The following SEL1L3 variants were observed in gnomAD, a reference collection of about 807,000 sequenced individuals.
SEL1L3 encodes SEL1L family member 3, also known as protein sel-1 homolog 3.
Under a neutral mutation model 142.8 loss-of-function variants are expected in SEL1L3, and 76 were observed. That is an observed-to-expected ratio of 0.53 (90% confidence interval 0.44 to 0.64). The LOEUF (loss-of-function observed/expected upper bound fraction) is 0.64. Ranked by LOEUF, SEL1L3 falls within the 30% of genes least tolerant of loss-of-function variation. The pLI, the probability that SEL1L3 is intolerant of heterozygous loss-of-function variation, is 0.00. For synonymous variants in SEL1L3, 504 were observed against 519.6 expected, an observed-to-expected ratio of 0.97 and a Z score of 0.41; for missense variants, 1,262 against 1,381.7, an observed-to-expected ratio of 0.91 and a Z score of 1.37.
chr4:25,810,171 C>T (rs1713921438), intron 9 of SEL1L3, among the ~76,000 whole-genome samples: 1 of 152,238 alleles, frequency 6.6e-6, no homozygotes, highest in Admixed American at 6.5e-5. Context: ...CAGGCACCAA[C>T]TCCCTTGGTC....
chr4:25,824,969 A>G lies in SEL1L3; in HGVS notation c.1158-2841T>C, dbSNP rs117648257. Among the ~76,000 whole-genome samples, 27 of 152,352 alleles carry G rather than the reference A, an allele frequency of 1.8e-4. No homozygotes were observed. In the East Asian group the frequency reaches 4.6e-3, roughly 26 times the overall value. ...TTGCTTTCATTTGGAAGAAACAGAA[A>G]TTGGGTGTTGTTTACAAGTGTGAAA... On this transcript the variant is annotated intron_variant, in intron 6 of 23. Transcript: ENST00000399878.
downstream of SEL1L3, among the ~76,000 whole-genome samples, chr4:25,746,934 G>T (rs1262098511): frequency 6.6e-6 from 1 of 152,046 alleles, no homozygotes; most frequent in Non-Finnish European, 1.5e-5. Flanking sequence ...AAAATCCCAA[G>T]AGGTAGTTTT....
At chr4:25,755,395 G>C (rs1168616986) in intron 23 of SEL1L3, among the ~76,000 whole-genome samples, 1 of 152,034 alleles carries the variant, frequency 6.6e-6, no homozygotes, top group Non-Finnish European at 1.5e-5. Context: ...AAGCCACTGC[G>C]TCTGGTCTCC....
chr4:25,797,780 G>T (rs1712887264), intron 11 of SEL1L3, among the ~76,000 whole-genome samples: 1 of 152,182 alleles, frequency 6.6e-6, no homozygotes, highest in Non-Finnish European at 1.5e-5. Flanking sequence ...CAGAGTGCTG[G>T]GCCCCGGGAC....
At chr4:25,732,566 T>C in the SEL1L3 span, among the ~76,000 whole-genome samples, 4 of 152,192 alleles carry the variant, frequency 2.6e-5, no homozygotes, top group African/African-American at 9.6e-5. Context: ...GAGGTTTTAA[T>C]TTTCATTGAA....
At chr4:25,749,661 T>TA (rs547360776) in intron 23 of SEL1L3, among the ~76,000 whole-genome samples, 4 of 152,282 alleles carry the variant, frequency 2.6e-5, no homozygotes, top group South Asian at 4.1e-4. Flanking sequence ...GCATGTTGTT[T>TA]AAAAAATTAC....
intron 6 of SEL1L3, among the ~76,000 whole-genome samples, chr4:25,822,692 T>G (rs1714839199): frequency 6.6e-6 from 1 of 152,176 alleles, no homozygotes; most frequent in Non-Finnish European, 1.5e-5. Flanking sequence ...TCAGAGGGTT[T>G]GGCCGGAGAT....
chr4:25,791,371 G>A (rs1712323950), intron 11 of SEL1L3, among the ~76,000 whole-genome samples: 1 of 152,198 alleles, frequency 6.6e-6, no homozygotes, highest in African/African-American at 2.4e-5. Context: ...TTTAGAATTT[G>A]CACACAGCCT....
the SEL1L3 span, among the ~76,000 whole-genome samples, chr4:25,716,175 G>GA: frequency 2.5e-4 from 38 of 149,370 alleles, no homozygotes; most frequent in Admixed American, 9.3e-4. Flanking sequence ...AAATCAATAA[G>GA]AAAAAAAAAT....
chr4:25,807,728 C>T (rs1296770111), intron 9 of SEL1L3, among the ~76,000 whole-genome samples: 1 of 152,022 alleles, frequency 6.6e-6, no homozygotes, highest in African/African-American at 2.4e-5. Context: ...CTTGTCCTGC[C>T]GACCCCTGGC....
At position 25,752,372 on chromosome 4, in the gene SEL1L3, G is replaced by A. The variant is rs546626805; in HGVS notation, c.3260-3808C>T. 2.8e-5 allele frequency among the ~76,000 whole-genome samples: 4 copies of A among 141,130 alleles called. No homozygotes were observed. In the South Asian group the frequency reaches 9.0e-4, roughly 32 times the overall value. The allele number at this position is 141,130 out of a possible 152,430, so 92.6% of individuals were successfully genotyped here. On this transcript the variant is annotated intron_variant, in intron 23 of 23. Coordinates refer to ENST00000399878, the MANE Select transcript of SEL1L3 (RefSeq NM_015187.5). ...GCGGTGGTTGCAGTGAGCCGAGATAGCGCCACTGCACTCCAGCCTGGGCAA... is the reference window on the plus strand; with the variant it reads ...GCGGTGGTTGCAGTGAGCCGAGATAACGCCACTGCACTCCAGCCTGGGCAA...
chr4:25,723,823 C>T, the SEL1L3 span, among the ~76,000 whole-genome samples: 8 of 152,206 alleles, frequency 5.3e-5, no homozygotes, highest in South Asian at 6.2e-4. Flanking sequence ...GGAACTGCAG[C>T]GGAGATTCAC....
chr4:25,768,180 C>T (rs1718891859), intron 17 of SEL1L3, among the ~76,000 whole-genome samples: 1 of 152,086 alleles, frequency 6.6e-6, no homozygotes, highest in Admixed American at 6.5e-5. Context: ...TTAAGAAAAA[C>T]CCCTGTGCTT....
chr4:25,714,165 T>C, the SEL1L3 span, among the ~76,000 whole-genome samples: 2 of 152,164 alleles, frequency 1.3e-5, no homozygotes, highest in Admixed American at 1.3e-4. Flanking sequence ...ACTTGAAATC[T>C]TTATGAGATT....
At chr4:25,785,853 G>T (rs894149064) in intron 13 of SEL1L3, among the ~76,000 whole-genome samples, 3 of 152,026 alleles carry the variant, frequency 2.0e-5, no homozygotes, top group Non-Finnish European at 2.9e-5. Context: ...GAAATAAAAC[G>T]GGGGCCCAGA....
chr4:25,729,637 C>T, the SEL1L3 span, among the ~76,000 whole-genome samples: 2 of 152,178 alleles, frequency 1.3e-5, no homozygotes, highest in Non-Finnish European at 2.9e-5. Context: ...TCGCTGGAAC[C>T]TGGAAGGTGG....
intron 12 of SEL1L3, among the ~76,000 whole-genome samples, chr4:25,789,416 C>T (rs1712116573): frequency 6.6e-6 from 1 of 151,748 alleles, no homozygotes. Flanking sequence ...CCCATTTCTA[C>T]AAAAAAATTA....
In SEL1L3 at chr4:25,784,042, T is replaced by A. The variant is rs1384599944; in HGVS notation, c.2280+186A>T. 1.3e-5 allele frequency among the ~76,000 whole-genome samples: 2 copies of A among 152,220 alleles called. 1 individual carries two copies. The highest frequency in any genetic ancestry group is 3.8e-4 in the East Asian group (2 of 5,198). On this transcript the variant is annotated intron_variant, in intron 14 of 23. Transcript: ENST00000399878. Reference sequence around the variant, plus strand: ...GCCCCCATTGTGGCAAGTTTCTGTATGTATTGTAACTAAAAAGTGACTAAT... The same window carrying A: ...GCCCCCATTGTGGCAAGTTTCTGTAAGTATTGTAACTAAAAAGTGACTAAT...
intron 6 of SEL1L3, among the ~76,000 whole-genome samples, chr4:25,822,930 G>A (rs1714860879): frequency 6.6e-6 from 1 of 152,170 alleles, no homozygotes; most frequent in South Asian, 2.1e-4. Context: ...AACTAAAAAA[G>A]GGACAAAGGA....
Sources: allele counts gnomAD v4.1 joint callset (sites outside exome capture counted in the v4.1 genomes callset), GRCh38; gene constraint gnomAD v4.1.1; transcripts MANE v1.5; gene names NCBI Gene and HGNC (gene_info 2026-07-23, HGNC 2026-07-21).